Variants in SYN3 observed in about 807,000 individuals in gnomAD.
SYN3 encodes the protein synapsin-3.
SYN3 carries 35 observed loss-of-function variants against 65.8 expected under a neutral mutation model. The ratio of observed to expected loss-of-function variants is 0.53; its 90% CI spans 0.41 to 0.70. The LOEUF (loss-of-function observed/expected upper bound fraction) is 0.70, where lower values mean the gene tolerates loss of function less well. Ranked by LOEUF, SYN3 falls within the 30% of genes least tolerant of loss-of-function variation. The probability of loss-of-function intolerance (pLI) is 0.00; values close to 1 mark genes in which losing one functional copy is unlikely to be tolerated. For missense variants in SYN3, 680 were observed against 749.0 expected, an observed-to-expected ratio of 0.91 and a Z score of 1.08; for synonymous variants, 270 against 292.9, an observed-to-expected ratio of 0.92 and a Z score of 0.80.
chr22:32,607,583 C>T (rs866447247), intron 6 of SYN3, among the ~76,000 whole-genome samples: 7 of 152,190 alleles, frequency 4.6e-5, no homozygotes, highest in African/African-American at 1.7e-4. Flanking sequence ...TCTGAACTCC[C>T]TGCATCACCT....
intron 6 of SYN3, among the ~76,000 whole-genome samples, chr22:32,634,948 A>G (rs2059794819): frequency 7.4e-6 from 1 of 134,456 alleles, no homozygotes; most frequent in African/African-American, 3.5e-5. Flanking sequence ...TTTTTTTTTT[A>G]GCTCATCAGC....
At chr22:32,954,952 TTTC>T (rs1422408500) in intron 3 of SYN3, among the ~76,000 whole-genome samples, 3 of 142,796 alleles carry the variant, frequency 2.1e-5, no homozygotes, top group Admixed American at 7.1e-5. Context: ...CTTTTTTTTT[TTTC>T]TTTTCATTTT....
At chr22:32,631,379 G>A (rs12171186) in intron 6 of SYN3, among the ~76,000 whole-genome samples, 6,302 of 150,918 alleles carry the variant, frequency 0.042, 443 homozygotes, top group African/African-American at 0.14. Context: ...GTTTTTGTGC[G>A]TATTTTCAAA....
chr22:32,656,157 C>T (rs2060139842), intron 6 of SYN3, among the ~76,000 whole-genome samples: 13 of 152,216 alleles, frequency 8.5e-5, no homozygotes. Flanking sequence ...TACTGTTTCA[C>T]AAGTATATCC....
intron 6 of SYN3, among the ~76,000 whole-genome samples, chr22:32,679,839 C>CTTTTTTTTTTTTTTGTTTTTTTT (rs2060498158): frequency 2.6e-5 from 1 of 39,150 alleles, no homozygotes; most frequent in Non-Finnish European, 4.6e-5. Flanking sequence ...TGTTTTTTGG[C>CTTTTTTTTTTTTTTGTTTTTTTT]TTTTTTTTTT....
At chr22:32,892,112 G>A (rs532746757) in intron 4 of SYN3, among the ~76,000 whole-genome samples, 29 of 152,048 alleles carry the variant, frequency 1.9e-4, no homozygotes, top group Admixed American at 1.2e-3. Context: ...GGCCAGAATG[G>A]TGAAACCCCA....
At chr22:32,971,255 G>T (rs1348077253) in intron 3 of SYN3, among the ~76,000 whole-genome samples, 1 of 152,170 alleles carries the variant, frequency 6.6e-6, no homozygotes, top group Non-Finnish European at 1.5e-5. Flanking sequence ...TCTCTAATGA[G>T]TTATGTTTCA....
rs374756166 is a variant in SYN3, at chr22:32,685,210, G to C, written c.712-88474C>G. On this transcript the variant is annotated intron_variant, in intron 6 of 13. Coordinates refer to ENST00000358763, the MANE Select transcript of SYN3 (RefSeq NM_003490.4). ...ATTCCTGCTCTACAAACACAAGGTA[G>C]GGTTTCTGTTGACAGCAGGGTTTCC... 1.0e-3 allele frequency among the ~76,000 whole-genome samples: 155 copies of C among 152,284 alleles called. 4 individuals carry two copies. The South Asian group carries it at 0.024, about 23-fold the overall frequency.
chr22:32,692,548 C>A (rs1287630552), intron 6 of SYN3, among the ~76,000 whole-genome samples: 1 of 152,220 alleles, frequency 6.6e-6, no homozygotes, highest in Non-Finnish European at 1.5e-5. Flanking sequence ...GGGCTCCAAC[C>A]ACCCTGGAGG....
intron 4 of SYN3, among the ~76,000 whole-genome samples, chr22:32,912,188 C>T (rs533553863): frequency 1.3e-5 from 2 of 152,142 alleles, no homozygotes; most frequent in Non-Finnish European, 2.9e-5. Flanking sequence ...TAGTTGCCCG[C>T]AGAGCTTTGG....
chr22:32,577,996 T>C (rs982525124), intron 7 of SYN3, among the ~76,000 whole-genome samples: 7 of 152,240 alleles, frequency 4.6e-5, no homozygotes, highest in Non-Finnish European at 7.3e-5. Context: ...CTTCCCTCCA[T>C]AGCATGTAAG....
intron 6 of SYN3, among the ~76,000 whole-genome samples, chr22:32,644,099 A>AAAAAG (rs2059948130): frequency 4.7e-5 from 1 of 21,274 alleles, no homozygotes; most frequent in Non-Finnish European, 9.5e-5. Context: ...AAAAAAAAAA[A>AAAAAG]AAAGCGACAA....
At chr22:32,903,033 C>T (rs1015510704) in intron 4 of SYN3, among the ~76,000 whole-genome samples, 2 of 152,144 alleles carry the variant, frequency 1.3e-5, no homozygotes, top group Non-Finnish European at 1.5e-5. Context: ...TTAAAAAACA[C>T]GCTCTCTACT....
chr22:32,598,560 A>G (rs1031336448), intron 6 of SYN3, among the ~76,000 whole-genome samples: 2 of 152,150 alleles, frequency 1.3e-5, no homozygotes, highest in African/African-American at 2.4e-5. Context: ...ATCTTGGCCC[A>G]CTGTAATCTC....
chr22:32,614,193 C>A (rs2041863050), intron 6 of SYN3, among the ~76,000 whole-genome samples: 1 of 152,346 alleles, frequency 6.6e-6, no homozygotes, highest in Non-Finnish European at 1.5e-5. Context: ...CTGTCTCACT[C>A]CATTGCTCTC....
intron 7 of SYN3, among the ~76,000 whole-genome samples, chr22:32,549,206 G>T (rs1408911298): frequency 6.6e-6 from 1 of 151,986 alleles, no homozygotes. Flanking sequence ...TCTACATACT[G>T]CTATGGCGTG....
chr22:32,726,639 G>A (rs184053061), intron 6 of SYN3, among the ~76,000 whole-genome samples: 13 of 152,298 alleles, frequency 8.5e-5, no homozygotes, highest in African/African-American at 3.1e-4. Context: ...TTTGCAAGGG[G>A]GAGGGTGCTG....
chr22:32,663,639 T>C (rs1444195285), intron 6 of SYN3, among the ~76,000 whole-genome samples: 3 of 152,192 alleles, frequency 2.0e-5, no homozygotes, highest in Non-Finnish European at 4.4e-5. Flanking sequence ...CTCGGGTATG[T>C]CTTTATTAGC....
At chr22:32,669,874 G>A (rs1419425541) in intron 6 of SYN3, among the ~76,000 whole-genome samples, 3 of 152,098 alleles carry the variant, frequency 2.0e-5, no homozygotes, top group Non-Finnish European at 4.4e-5. Flanking sequence ...AATGCAAATT[G>A]GATGGCAGGA....
Sources: allele counts gnomAD v4.1 joint callset (sites outside exome capture counted in the v4.1 genomes callset), GRCh38; gene constraint gnomAD v4.1.1; transcripts MANE v1.5; gene names NCBI Gene and HGNC (gene_info 2026-07-23, HGNC 2026-07-21).